The following SIPA1L3 variants were observed in gnomAD, a reference collection of about 807,000 sequenced individuals.
SIPA1L3 encodes signal induced proliferation associated 1 like 3.
In SIPA1L3, 59 loss-of-function variants were observed where a neutral mutation model predicts 150.1. That is an observed-to-expected ratio of 0.39 (90% CI 0.32 to 0.49). The LOEUF (loss-of-function observed/expected upper bound fraction) is 0.49, where lower values mean the gene tolerates loss of function less well. Ranked by LOEUF, SIPA1L3 falls within the 20% of genes least tolerant of loss-of-function variation. The pLI is 0.86. For missense variants in SIPA1L3, 2,211 were observed against 2,489.5 expected (o/e 0.89, Z 2.38); for synonymous variants, 1,070 against 1,077.6 (o/e 0.99, Z 0.14).
intron 7 of SIPA1L3, among the ~76,000 whole-genome samples, chr19:38,109,055 C>T (rs757960776): frequency 1.2e-4 from 19 of 152,200 alleles, no homozygotes; most frequent in Non-Finnish European, 2.5e-4. Context: ...ACTGTGAATA[C>T]GGCGTCACCT....
intron 10 of SIPA1L3, among the ~76,000 whole-genome samples, chr19:38,134,769 C>T (rs1219666128): frequency 6.7e-6 from 1 of 149,146 alleles, no homozygotes; most frequent in Non-Finnish European, 1.5e-5. Context: ...AGGAGGCGCT[C>T]GAGAGACACT....
In SIPA1L3 at chr19:38,047,156, A is replaced by T. The variant is rs923164887; in HGVS notation, c.-311+18000A>T. Among the ~76,000 whole-genome samples the T allele has an allele frequency of 1.3e-5, 2 of 152,142 alleles. No homozygotes were observed. Among genetic ancestry groups the T allele is most frequent in the African/African-American group, 4.8e-5 (2 of 41,410 alleles). On this transcript the variant is annotated intron_variant, in intron 2 of 21. Transcript: ENST00000222345. This position sits in a 1 kb window ranked among gnomAD's most constrained non-coding sequence, Gnocchi z 4.7. ...ACAGGTAGGAAGTGGCAGAACCAGGATTTGAACCCAGACCATCTGGCTTCA... is the reference window on the plus strand; with the variant it reads ...ACAGGTAGGAAGTGGCAGAACCAGGTTTTGAACCCAGACCATCTGGCTTCA...
chr19:37,959,812 ACTTT>A (rs999557891), intron 1 of SIPA1L3, among the ~76,000 whole-genome samples: 7 of 134,792 alleles, frequency 5.2e-5, no homozygotes, highest in Non-Finnish European at 6.2e-5. Context: ...GTTTTAAAAA[ACTTT>A]CTTTTTTTTT....
chr19:38,148,088 C>T (rs1600136050), intron 12 of SIPA1L3, among the ~76,000 whole-genome samples: 3 of 151,698 alleles, frequency 2.0e-5, no homozygotes, highest in African/African-American at 4.8e-5. Context: ...CTCGGTGGCT[C>T]AAGCCTGTAA....
At chr19:37,984,483 C>T (rs62120134) in intron 1 of SIPA1L3, among the ~76,000 whole-genome samples, 11,654 of 152,074 alleles carry the variant, frequency 0.077, 689 homozygotes, top group African/African-American at 0.17. Flanking sequence ...AGAAATCCCC[C>T]AGATAGATTA....
intron 1 of SIPA1L3, among the ~76,000 whole-genome samples, chr19:37,974,129 C>T (rs910224185): frequency 1.3e-5 from 2 of 152,190 alleles, no homozygotes; most frequent in Non-Finnish European, 2.9e-5. Context: ...TCCTGGGTGC[C>T]TGGCAGTATT....
At chr19:38,112,063 T>C (rs1296439804) in intron 8 of SIPA1L3, among the ~76,000 whole-genome samples, 4 of 131,452 alleles carry the variant, frequency 3.0e-5, no homozygotes, top group Non-Finnish European at 6.2e-5. Context: ...CACACACACG[T>C]ATGCACACAC....
Position 38,057,772 on chromosome 19 carries a change from G to A in SIPA1L3, c.-310-23484G>A, listed in dbSNP as rs184711021. Among the ~76,000 whole-genome samples, 1,414 of 151,618 alleles carry A rather than the reference G, an allele frequency of 9.3e-3. 49 individuals are homozygous for A. In the South Asian group the frequency reaches 0.12, roughly 13 times the overall value. The stretch of plus-strand genomic sequence containing the variant: ...TGCCACTCTCCTGCCTCAGCCTCCC[G>A]AGTAGCTGGGACTACAGGCACCCAC... On this transcript the variant is annotated intron_variant, in intron 2 of 21. Coordinates refer to ENST00000222345, the MANE Select transcript of SIPA1L3 (RefSeq NM_015073.3).
intron 10 of SIPA1L3, among the ~76,000 whole-genome samples, chr19:38,139,150 C>G (rs1457461211): frequency 1.3e-5 from 2 of 151,720 alleles, no homozygotes; most frequent in Non-Finnish European, 2.9e-5. Context: ...GAGCCGAGAT[C>G]TCACCATTGC....
At chr19:38,130,197 TC>T (rs1309865919) in intron 9 of SIPA1L3, among the ~76,000 whole-genome samples, 2 of 152,132 alleles carry the variant, frequency 1.3e-5, no homozygotes, top group African/African-American at 2.4e-5. Flanking sequence ...AGAAGTGCAA[TC>T]CCACTGACCC....
At chr19:38,018,594 C>T (rs1235148648) in intron 1 of SIPA1L3, among the ~76,000 whole-genome samples, 1 of 152,148 alleles carries the variant, frequency 6.6e-6, no homozygotes, top group Non-Finnish European at 1.5e-5. Context: ...TGGATTCTTG[C>T]TTCATTCCTT....
At chr19:38,071,201 T>TTATCTGTC (rs1555783252) in intron 2 of SIPA1L3, among the ~76,000 whole-genome samples, 1 of 142,266 alleles carries the variant, frequency 7.0e-6, no homozygotes, top group South Asian at 2.4e-4. Flanking sequence ...TTATGTTGTT[T>TTATCTGTC]TATCTATCTA....
Position 38,130,527 on chromosome 19 carries a change from C to T in SIPA1L3, c.2898C>T (p.Asp966=), listed in dbSNP as rs929070008. The T allele has an allele frequency of 1.1e-5, 18 of 1,612,916 alleles. 1 individual carries two copies. The highest frequency in any genetic ancestry group is 6.7e-5 in the Admixed American group (4 of 59,976). ...TGACCAGTGGCTGGGAGACGGTGGA[C>T]ATGACGCTTCGGCGGAACGGGCTCG... ...KVMTSGWETV[D]MTLRRNGLGQ... Residue 966 remains aspartate (D), a synonymous_variant, in exon 10 of 22, where the codon GAC becomes GAT. Coordinates refer to ENST00000222345, the MANE Select transcript of SIPA1L3 (RefSeq NM_015073.3).
At chr19:37,917,095 C>CA (rs2046420332) in intron 1 of SIPA1L3, among the ~76,000 whole-genome samples, 1 of 152,114 alleles carries the variant, frequency 6.6e-6, no homozygotes, top group Admixed American at 6.6e-5. Flanking sequence ...AACATCATTT[C>CA]AACATGTAAT....
chr19:38,062,083 C>G (rs984540944), intron 2 of SIPA1L3, among the ~76,000 whole-genome samples: 1 of 151,700 alleles, frequency 6.6e-6, no homozygotes. Context: ...TGCCATGTGC[C>G]CCTTAGTATG....
At chr19:37,982,874 C>G (rs151240783) in intron 1 of SIPA1L3, among the ~76,000 whole-genome samples, 81 of 152,254 alleles carry the variant, frequency 5.3e-4, no homozygotes, top group Non-Finnish European at 1.0e-3. Context: ...GCATCTTTGT[C>G]CACCCTTAGC....
intron 1 of SIPA1L3, among the ~76,000 whole-genome samples, chr19:37,921,375 C>T (rs2046456287): frequency 6.6e-6 from 1 of 152,230 alleles, no homozygotes; most frequent in South Asian, 2.1e-4. Flanking sequence ...GGTGTGCTGC[C>T]TGGTGGGTAG....
chr19:38,133,485 C>T lies in SIPA1L3; in HGVS notation c.3143+2713C>T, dbSNP rs1459754099. On this transcript the variant is annotated intron_variant, in intron 10 of 21. Transcript: ENST00000222345. Reference sequence around the variant, plus strand: ...AGAATAATGAGTTGGTCCCTAGCAACCTCCAGAAGTGACCAATGAGAGAGA... The same window carrying T: ...AGAATAATGAGTTGGTCCCTAGCAATCTCCAGAAGTGACCAATGAGAGAGA... Among the ~76,000 whole-genome samples the T allele has an allele frequency of 2.0e-5, 3 of 152,180 alleles. No homozygotes were observed. In the East Asian group the frequency reaches 5.8e-4, roughly 29 times the overall value.
chr19:37,959,967 GTTA>G, intron 1 of SIPA1L3, among the ~76,000 whole-genome samples: 2 of 150,686 alleles, frequency 1.3e-5, no homozygotes, highest in East Asian at 3.9e-4. Context: ...CCTCTTTTGT[GTTA>G]TTATTGTCAC....
Sources: gnomAD v4.1 joint callset for allele counts (sites outside exome capture counted in the v4.1 genomes callset) on GRCh38, gnomAD v4.1.1 for gene constraint, Gnocchi (gnomAD v3.1) non-coding constraint, MANE v1.5 for transcripts, NCBI Gene and HGNC (gene_info 2026-07-23, HGNC 2026-07-21) for gene names.